Variants in ERBB4 observed in about 807,000 individuals in gnomAD.
The protein encoded by ERBB4 is erb-b2 receptor tyrosine kinase 4.
Under a neutral mutation model 158.0 loss-of-function variants are expected in ERBB4, and 42 were observed. That is an observed-to-expected ratio of 0.27 (90% CI 0.21 to 0.34). ERBB4 has a LOEUF of 0.34. Among genes scored for constraint, ERBB4 ranks in the 10% least tolerant of loss-of-function variants. ERBB4 has a pLI of 1.00. For synonymous variants in ERBB4, 583 were observed against 558.7 expected (o/e 1.04, Z -0.61); for missense variants, 1,333 against 1,624.1 (o/e 0.82, Z 3.08).
At chr2:211,844,806 C>G (rs757559939) in intron 3 of ERBB4, among the ~76,000 whole-genome samples, 2 of 152,114 alleles carry the variant, frequency 1.3e-5, no homozygotes, top group East Asian at 1.9e-4. Context: ...TGAAATCTAA[C>G]GACTACATTA....
intron 3 of ERBB4, among the ~76,000 whole-genome samples, chr2:211,814,140 A>G (rs569600128): frequency 4.6e-5 from 7 of 152,290 alleles, no homozygotes; most frequent in African/African-American, 1.7e-4. Flanking sequence ...TATAAATGCA[A>G]TTTGTCTAAA....
At chr2:212,470,322 C>T (rs918238672) in intron 1 of ERBB4, among the ~76,000 whole-genome samples, 1 of 151,934 alleles carries the variant, frequency 6.6e-6, no homozygotes, top group African/African-American at 2.4e-5. Flanking sequence ...TCATCATTAG[C>T]TTTGAGGTGA....
chr2:211,633,535 T>A (rs2070230200), intron 16 of ERBB4, among the ~76,000 whole-genome samples: 1 of 145,324 alleles, frequency 6.9e-6, no homozygotes, highest in African/African-American at 2.5e-5. Flanking sequence ...CTTTGACATT[T>A]AAACAAGAAC....
Position 211,629,970 on chromosome 2 carries a change from T to C in ERBB4, c.2079+492A>G, listed in dbSNP as rs546928513. Among the ~76,000 whole-genome samples, 254 of 152,332 alleles carry C rather than the reference T, an allele frequency of 1.7e-3. 1 individual carries two copies. The highest frequency in any genetic ancestry group is 5.3e-3 in the African/African-American group (220 of 41,578). On this transcript the variant is annotated intron_variant, in intron 17 of 27. Transcript: ENST00000342788. Reference sequence around the variant, plus strand: ...TAGAAGAAAACTTAGGCAATACCATTCAGGACATAGGCATGGGCAAGGACT... The same window carrying C: ...TAGAAGAAAACTTAGGCAATACCATCCAGGACATAGGCATGGGCAAGGACT...
At position 212,240,502 on chromosome 2, in the gene ERBB4, G is replaced by A. The variant is rs796306372; in HGVS notation, c.83-115599C>T. On this transcript the variant is annotated intron_variant, in intron 1 of 27. Coordinates refer to ENST00000342788, the MANE Select transcript of ERBB4 (RefSeq NM_005235.3). Reference sequence around the variant, plus strand: ...AAAGAAATTAGCCAGGCGTGGTGGTGCACACCTGTATTCCCAGCTACTCAG... The same window carrying A: ...AAAGAAATTAGCCAGGCGTGGTGGTACACACCTGTATTCCCAGCTACTCAG... 2.0e-5 allele frequency among the ~76,000 whole-genome samples: 3 copies of A among 151,448 alleles called. No individual in the cohort carries two copies. The South Asian group carries it at 6.3e-4, about 32-fold the overall frequency.
At chr2:211,788,297 A>C in intron 3 of ERBB4, 138 bp from the exon 4 acceptor site, 1 of 661,466 alleles carries the variant, frequency 1.5e-6, no homozygotes, top group Non-Finnish European at 2.7e-6. Flanking sequence ...TATCTTTTAA[A>C]ATATCTTTCA....
At chr2:212,192,922 T>G (rs1332570712) in intron 1 of ERBB4, among the ~76,000 whole-genome samples, 1 of 152,166 alleles carries the variant, frequency 6.6e-6, no homozygotes, top group Non-Finnish European at 1.5e-5. Flanking sequence ...TAAAGTTGTT[T>G]TGTATTCCCT....
chr2:212,518,637 C>T (rs910286464), intron 1 of ERBB4, among the ~76,000 whole-genome samples: 95 of 151,802 alleles, frequency 6.3e-4, no homozygotes, highest in African/African-American at 2.2e-3. Context: ...TCTTTTTTTG[C>T]GAAGATCAAT....
At chr2:211,612,964 T>C (rs1204450371) in intron 19 of ERBB4, among the ~76,000 whole-genome samples, 3 of 151,950 alleles carry the variant, frequency 2.0e-5, no homozygotes, top group East Asian at 3.9e-4. Flanking sequence ...TGGATACAGA[T>C]ACAAAATATA....
chr2:212,464,261 A>G (rs1392091580), intron 1 of ERBB4, among the ~76,000 whole-genome samples: 1 of 152,100 alleles, frequency 6.6e-6, no homozygotes. Context: ...AATTTTAAGA[A>G]CCTCACAAAA....
intron 1 of ERBB4, among the ~76,000 whole-genome samples, chr2:212,481,566 G>A (rs1040065373): frequency 2.6e-5 from 4 of 152,134 alleles, no homozygotes; most frequent in Admixed American, 6.5e-5. Flanking sequence ...TGTGACCAAT[G>A]GGAAATGTAC....
chr2:212,445,576 A>T (rs962454302), intron 1 of ERBB4, among the ~76,000 whole-genome samples: 4 of 152,166 alleles, frequency 2.6e-5, no homozygotes, highest in Non-Finnish European at 4.4e-5. Context: ...ATCAAGATGA[A>T]ATCAGACTAC....
At chr2:211,887,767 A>G (rs185917381) in intron 3 of ERBB4, among the ~76,000 whole-genome samples, 153 of 152,304 alleles carry the variant, frequency 1.0e-3, no homozygotes, top group African/African-American at 3.5e-3. Context: ...GTACCTAAAC[A>G]TACTTAATAT....
At chr2:212,161,476 T>C (rs2081200837) in intron 1 of ERBB4, among the ~76,000 whole-genome samples, 1 of 151,850 alleles carries the variant, frequency 6.6e-6, no homozygotes, top group Admixed American at 6.6e-5. Context: ...GCAGATATAA[T>C]GATTAAAATG....
At chr2:211,800,656 C>T (rs376560590) in intron 3 of ERBB4, among the ~76,000 whole-genome samples, 4 of 112,716 alleles carry the variant, frequency 3.5e-5, no homozygotes, top group East Asian at 2.3e-4. Context: ...AAAAACTGTG[C>T]GTTAAAAAAA....
chr2:212,075,537 T>C (rs2078248700), intron 2 of ERBB4, among the ~76,000 whole-genome samples: 1 of 151,892 alleles, frequency 6.6e-6, no homozygotes, highest in African/African-American at 2.4e-5. Context: ...GTAGGTGGTT[T>C]ATCTCAGAGC....
intron 2 of ERBB4, among the ~76,000 whole-genome samples, chr2:212,117,339 T>C (rs528687432): frequency 1.3e-5 from 2 of 152,324 alleles, no homozygotes; most frequent in African/African-American, 4.8e-5. Flanking sequence ...AATGCTTGTT[T>C]ACCCAACCAA....
At chr2:212,134,201 T>A (rs1382038509) in intron 1 of ERBB4, among the ~76,000 whole-genome samples, 2 of 152,220 alleles carry the variant, frequency 1.3e-5, no homozygotes, top group South Asian at 2.1e-4. Flanking sequence ...AGTTTTTTTT[T>A]AATCTTATTA....
At chr2:211,631,407 C>G (rs934416200) in intron 16 of ERBB4, among the ~76,000 whole-genome samples, 2 of 152,026 alleles carry the variant, frequency 1.3e-5, no homozygotes, top group African/African-American at 4.8e-5. Context: ...AGAATAATGA[C>G]AAGAGTATTA....
Sources: allele counts gnomAD v4.1 joint callset (sites outside exome capture counted in the v4.1 genomes callset), GRCh38; gene constraint gnomAD v4.1.1; transcripts MANE v1.5; gene names NCBI Gene and HGNC (gene_info 2026-07-23, HGNC 2026-07-21).